HIPK2: variants seen among roughly 807,000 people sequenced by gnomAD.
HIPK2 encodes the protein homeodomain interacting protein kinase 2.
HIPK2 carries 27 observed loss-of-function variants against 113.7 expected under a neutral mutation model. The observed-to-expected ratio is 0.24, with a 90% confidence interval of 0.17 to 0.33. The LOEUF (loss-of-function observed/expected upper bound fraction) is 0.33, where lower values mean the gene tolerates loss of function less well. Ranked by LOEUF, HIPK2 falls within the 10% of genes least tolerant of loss-of-function variation. HIPK2 has a pLI of 1.00. For synonymous variants in HIPK2, 631 were observed against 642.2 expected, an observed-to-expected ratio of 0.98 and a Z score of 0.26; for missense variants, 1,257 against 1,588.0, an observed-to-expected ratio of 0.79 and a Z score of 3.54.
chr7:139,678,721 G>T (rs1802596304), intron 2 of HIPK2, among the ~76,000 whole-genome samples: 1 of 152,166 alleles, frequency 6.6e-6, no homozygotes, highest in South Asian at 2.1e-4. Flanking sequence ...GCTTGATGGG[G>T]ATAGCACTGA....
chr7:139,636,950 C>T (rs1245380234), intron 2 of HIPK2, among the ~76,000 whole-genome samples: 2 of 152,180 alleles, frequency 1.3e-5, no homozygotes, highest in Non-Finnish European at 2.9e-5. Flanking sequence ...ATTCTCTGAT[C>T]CCCCTCTCTA....
intron 1 of HIPK2, among the ~76,000 whole-genome samples, chr7:139,774,902 C>T (rs1314407772): frequency 6.6e-6 from 1 of 152,178 alleles, no homozygotes; most frequent in Non-Finnish European, 1.5e-5. Flanking sequence ...ATTTATAAAC[C>T]TATCCTTCAA....
chr7:139,739,640 A>G (rs148389304), intron 1 of HIPK2, among the ~76,000 whole-genome samples: 1 of 151,712 alleles, frequency 6.6e-6, no homozygotes, highest in East Asian at 1.9e-4. Flanking sequence ...TGTGACCATC[A>G]CTGCTATCTA....
Position 139,777,591 on chromosome 7 carries a change from C to G in HIPK2, c.19+14G>C. The G allele has an allele frequency of 9.5e-7, 1 of 1,049,402 alleles. No individual in the cohort carries two copies. The highest frequency in any genetic ancestry group is 6.2e-5 in the East Asian group (1 of 16,148). The allele number at this position is 1,049,402 out of a possible 1,614,324, so 65.0% of individuals were successfully genotyped here. A position where few individuals can be genotyped will look rare whatever the true frequency, so the allele number is the denominator to read the frequency against. On this transcript the variant is annotated intron_variant, in intron 1 of 14. Coordinates refer to ENST00000406875, the MANE Select transcript of HIPK2 (RefSeq NM_022740.5). Reference sequence around the variant, plus strand: ...GCGGCGGGCGCGGGGTCGGCGGGGCCGGGCGCCCCTTACCTTCGTACACGG... The same window carrying G: ...GCGGCGGGCGCGGGGTCGGCGGGGCGGGGCGCCCCTTACCTTCGTACACGG...
chr7:139,707,286 C>T (rs372134345), intron 2 of HIPK2, among the ~76,000 whole-genome samples: 19 of 152,276 alleles, frequency 1.2e-4, no homozygotes, highest in South Asian at 4.1e-4. Context: ...CAATCTGTCC[C>T]GGAACAAGGG....
chr7:139,750,532 A>G (rs746680342), intron 1 of HIPK2, among the ~76,000 whole-genome samples: 11 of 152,248 alleles, frequency 7.2e-5, no homozygotes, highest in Admixed American at 1.3e-4. Context: ...ATAGTCTTGA[A>G]GGTTGTCTGA....
chr7:139,663,273 T>C (rs1801929169), intron 2 of HIPK2, among the ~76,000 whole-genome samples: 1 of 152,228 alleles, frequency 6.6e-6, no homozygotes, highest in Non-Finnish European at 1.5e-5. Flanking sequence ...AGCCATGGAT[T>C]CACAGAAGCC....
intron 2 of HIPK2, among the ~76,000 whole-genome samples, chr7:139,667,035 A>G (rs1802073130): frequency 6.6e-6 from 1 of 151,812 alleles, no homozygotes; most frequent in Non-Finnish European, 1.5e-5. Context: ...ACTGCACTCC[A>G]GCCTGGGCAA....
At chr7:139,772,529 C>CT (rs1312551015) in intron 1 of HIPK2, among the ~76,000 whole-genome samples, 1 of 152,022 alleles carries the variant, frequency 6.6e-6, no homozygotes, top group African/African-American at 2.4e-5. Context: ...CTCAGAAACA[C>CT]TTTTTTGAGT....
At chr7:139,597,354 G>A (rs1302781254) in intron 11 of HIPK2, among the ~76,000 whole-genome samples, 1 of 152,206 alleles carries the variant, frequency 6.6e-6, no homozygotes, top group African/African-American at 2.4e-5. Context: ...CTCGCCTTCA[G>A]GGTCAAGGCC....
rs183197885 is a variant in HIPK2 at position 139,598,648 on chromosome 7, T to G, written c.2436-1650A>C. On this transcript the variant is annotated intron_variant, in intron 11 of 14. Transcript: ENST00000406875. ...CTATAATTATATCGATCTTGAAATG[T>G]ACTGGCAATGAGGCTTCATGAAGTC... is the stretch of plus-strand genomic sequence containing the variant. 3.9e-5 allele frequency among the ~76,000 whole-genome samples: 6 copies of G among 152,340 alleles called. No individual in the cohort carries two copies. In the East Asian group the frequency reaches 1.2e-3, roughly 29 times the overall value.
chr7:139,727,971 T>C (rs1347754087), intron 1 of HIPK2, among the ~76,000 whole-genome samples: 1 of 143,336 alleles, frequency 7.0e-6, no homozygotes, highest in Admixed American at 7.2e-5. Flanking sequence ...AGACAGGGTC[T>C]CACTGTCACC....
intron 2 of HIPK2, among the ~76,000 whole-genome samples, chr7:139,664,865 A>T (rs1801992469): frequency 1.3e-5 from 2 of 152,246 alleles, no homozygotes; most frequent in Non-Finnish European, 2.9e-5. Flanking sequence ...TTTTTACCTT[A>T]ATCATTTGCA....
intron 13 of HIPK2, among the ~76,000 whole-genome samples, chr7:139,577,960 C>A (rs976894820): frequency 6.6e-6 from 1 of 152,122 alleles, no homozygotes; most frequent in East Asian, 1.9e-4. Context: ...AAGTGATTCT[C>A]GTGCCTCAAC....
At position 139,573,157 on chromosome 7, in the gene HIPK2, A is replaced by T. The variant is rs763813001; in HGVS notation, c.3367T>A (p.Ser1123Thr). The T allele has an allele frequency of 6.2e-7, 1 of 1,610,518 alleles. No homozygotes were observed. The highest frequency in any genetic ancestry group is 8.5e-7 in the Non-Finnish European group (1 of 1,179,270). ...STGTVAHLVA[S>T]QGSARHTVQH... The stretch of plus-strand genomic sequence containing the variant: ...ACGGTGTGGCGCGCAGAGCCTTGCG[A>T]GGCCACCAGGTGGGCCACGGTGCCG... Residue 1123 changes from serine to threonine, a missense_variant, in exon 15 of 15, where the codon TCG becomes ACG. Ser to Thr is a moderately conservative substitution (Grantham distance 58). Coordinates refer to ENST00000406875, the MANE Select transcript of HIPK2 (RefSeq NM_022740.5).
intron 1 of HIPK2, among the ~76,000 whole-genome samples, chr7:139,725,953 C>T (rs1795562303): frequency 6.6e-6 from 1 of 152,080 alleles, no homozygotes; most frequent in Non-Finnish European, 1.5e-5. Flanking sequence ...GAGATGAGTC[C>T]CACACCAGCC....
At chr7:139,667,480 T>C (rs149209598) in intron 2 of HIPK2, among the ~76,000 whole-genome samples, 380 of 152,336 alleles carry the variant, frequency 2.5e-3, no homozygotes, top group African/African-American at 8.6e-3. Context: ...TACACATACA[T>C]AGTTTTTAAT....
rs975010543 is a variant in HIPK2 at position 139,567,326 on chromosome 7, A to C, written c.*5601T>G. The C allele has an allele frequency of 6.6e-6, 1 of 152,082 alleles. No homozygotes were observed. Among genetic ancestry groups the C allele is most frequent in the African/African-American group, 2.4e-5 (1 of 41,400 alleles). The allele number at this position is 152,082 out of a possible 1,614,324, so 9.4% of individuals were successfully genotyped here. ...TATTGGTATGGCACCTTGTCTCCCG[A>C]TAGCAGCAGCATCGAAGGGGTCACC... On this transcript the variant is annotated 3_prime_UTR_variant, in exon 15 of 15. Transcript: ENST00000406875.
At chr7:139,648,352 T>G (rs911374444) in intron 2 of HIPK2, among the ~76,000 whole-genome samples, 1 of 152,098 alleles carries the variant, frequency 6.6e-6, no homozygotes, top group African/African-American at 2.4e-5. Flanking sequence ...CCTGACTATA[T>G]AGAGGTTGAT....
Sources: gnomAD v4.1 joint callset for allele counts (sites outside exome capture counted in the v4.1 genomes callset) on GRCh38, gnomAD v4.1.1 for gene constraint, MANE v1.5 for transcripts, NCBI Gene and HGNC (gene_info 2026-07-23, HGNC 2026-07-21) for gene names.